NPEPPS: variants seen among roughly 807,000 people sequenced by gnomAD.
NPEPPS encodes the protein puromycin-sensitive aminopeptidase.
NPEPPS carries 14 observed loss-of-function variants against 115.5 expected under a neutral mutation model. The ratio of observed to expected loss-of-function variants is 0.12; its 90% confidence interval spans 0.08 to 0.19. The LOEUF (loss-of-function observed/expected upper bound fraction) is 0.19, where lower values mean the gene tolerates loss of function less well. Ranked by LOEUF, NPEPPS falls within the 10% of genes least tolerant of loss-of-function variation. NPEPPS has a pLI of 1.00. For missense variants in NPEPPS, 523 were observed against 1,110.8 expected, an observed-to-expected ratio of 0.47 and a Z score of 7.52; for synonymous variants, 285 against 390.6, an observed-to-expected ratio of 0.73 and a Z score of 3.19.
At chr17:47,605,668 A>T (rs958845796) in intron 17 of NPEPPS, 116 bp downstream of exon 17, 19 of 700,508 alleles carry the variant, frequency 2.7e-5, no homozygotes, top group Non-Finnish European at 4.1e-5. Context: ...ATATTCAGCA[A>T]GCCAGAAATT....
chr17:47,590,007 T>C (rs1031471559), intron 9 of NPEPPS, among the ~76,000 whole-genome samples: 1 of 152,188 alleles, frequency 6.6e-6, no homozygotes, highest in Non-Finnish European at 1.5e-5. Context: ...TTTTTTTCCC[T>C]CTTCTTCCTT....
intron 2 of NPEPPS, among the ~76,000 whole-genome samples, chr17:47,555,034 CTG>C (rs1335961295): frequency 1.3e-5 from 2 of 152,154 alleles, no homozygotes; most frequent in African/African-American, 2.4e-5. Context: ...GCAGTTGAAA[CTG>C]TGGAAAGTGA....
chr17:47,532,775 C>T (rs553742699), intron 1 of NPEPPS, among the ~76,000 whole-genome samples: 1 of 151,974 alleles, frequency 6.6e-6, no homozygotes, highest in Non-Finnish European at 1.5e-5. Context: ...TCCACTCCCT[C>T]CTCCCGCAGC....
intron 3 of NPEPPS, among the ~76,000 whole-genome samples, chr17:47,572,478 T>TAA (rs59690898): frequency 5.6e-4 from 83 of 147,820 alleles, no homozygotes; most frequent in Admixed American, 1.8e-3. Context: ...TAAAGAAAGT[T>TAA]AAAAAAAAAA....
At chr17:47,574,377 T>TA (rs1212777021) in intron 3 of NPEPPS, among the ~76,000 whole-genome samples, 1 of 151,962 alleles carries the variant, frequency 6.6e-6, no homozygotes, top group Non-Finnish European at 1.5e-5. Context: ...CATTAGGAAA[T>TA]ATGGTAACCA....
At position 47,590,876 on chromosome 17, in the gene NPEPPS, A is replaced by G. The variant is rs1374502129; in HGVS notation, c.1255A>G (p.Ile419Val). The stretch of plus-strand genomic sequence containing the variant: ...TGACGCCTTAGATAACAGCCATCCT[A>G]TTGAAGTGAGCCATACTTTCTAACC... ...ELDALDNSHP[I>V]EVSVGHPSEV... The change falls in exon 10 of 23, where the codon ATT becomes GTT. Residue 419 changes from isoleucine to valine, a missense_variant. Around this residue, in one of 4 missense-constraint regions of NPEPPS, gnomAD observed 144 missense variants for 512.4 expected, o/e 0.28. Transcript: ENST00000322157. 5.1e-6 allele frequency: 8 copies of G among 1,566,422 alleles called. No homozygotes were observed. The highest frequency in any genetic ancestry group is 2.4e-5 in the South Asian group (2 of 84,432).
intron 2 of NPEPPS, among the ~76,000 whole-genome samples, chr17:47,555,462 C>T (rs1182349043): frequency 1.3e-5 from 2 of 151,176 alleles, no homozygotes; most frequent in Admixed American, 6.6e-5. Flanking sequence ...ATTCTCCTGC[C>T]TCAGCCTCCT....
intron 12 of NPEPPS, among the ~76,000 whole-genome samples, chr17:47,595,257 G>T (rs1008869992): frequency 6.6e-6 from 1 of 151,804 alleles, no homozygotes; most frequent in East Asian, 2.0e-4. Context: ...GTAGAGATGG[G>T]GTGTCTCCAT....
chr17:47,559,904 C>T (rs1010604852), intron 2 of NPEPPS, among the ~76,000 whole-genome samples: 11 of 152,122 alleles, frequency 7.2e-5, no homozygotes, highest in African/African-American at 2.4e-4. Flanking sequence ...CCCACCCAGC[C>T]ACAAAGCCCC....
chr17:47,542,245 T>A (rs4060771), intron 1 of NPEPPS, among the ~76,000 whole-genome samples: 38 of 151,958 alleles, frequency 2.5e-4, no homozygotes, highest in Middle Eastern at 3.4e-3. Context: ...GTAGCTTTTT[T>A]AAAAAAAATT....
At chr17:47,587,828 TAAAC>T (rs1912282657) in intron 9 of NPEPPS, among the ~76,000 whole-genome samples, 2 of 151,720 alleles carry the variant, frequency 1.3e-5, no homozygotes, top group Non-Finnish European at 2.9e-5. Context: ...GAAATAAAAG[TAAAC>T]AAACTGCAGA....
rs1219457899 is a variant in NPEPPS at position 47,557,856 on chromosome 17, A to G, written c.341-11561A>G. ...GTAATGAACATATTCATCACCCTAGAACATTTCCTCATGCCCCTTTATAAT... is the reference window on the plus strand; with the variant it reads ...GTAATGAACATATTCATCACCCTAGGACATTTCCTCATGCCCCTTTATAAT... On this transcript the variant is annotated intron_variant, in intron 2 of 22. Transcript: ENST00000322157. Among the ~76,000 whole-genome samples, 3 of 148,984 alleles carry G rather than the reference A, an allele frequency of 2.0e-5. No individual in the cohort carries two copies. In the East Asian group the frequency reaches 6.0e-4, roughly 30 times the overall value.
At chr17:47,613,272 T>TA in intron 18 of NPEPPS, among the ~76,000 whole-genome samples, 1 of 142,938 alleles carries the variant, frequency 7.0e-6, no homozygotes, top group Admixed American at 7.0e-5. Context: ...TTTTTTTTTT[T>TA]TTTTTTTTTC....
chr17:47,601,484 A>G, intron 14 of NPEPPS, 124 bp from the exon 15 acceptor site: 1 of 959,520 alleles, frequency 1.0e-6, no homozygotes, highest in Non-Finnish European at 1.6e-6. Flanking sequence ...TTCATGTACC[A>G]CTAAGAATGA....
chr17:47,528,086 G>C (rs1907512255), upstream of NPEPPS, among the ~76,000 whole-genome samples: 1 of 151,660 alleles, frequency 6.6e-6, no homozygotes, highest in Admixed American at 6.6e-5. Flanking sequence ...CAGATCACCT[G>C]AGGTAAGGAG....
chr17:47,572,141 G>A (rs752512928), intron 3 of NPEPPS, among the ~76,000 whole-genome samples: 5 of 152,226 alleles, frequency 3.3e-5, no homozygotes, highest in Middle Eastern at 3.4e-3. Flanking sequence ...ATGGCCAGGC[G>A]TGGTGACTCA....
intron 17 of NPEPPS, among the ~76,000 whole-genome samples, chr17:47,610,343 C>T (rs952841337): frequency 6.6e-6 from 1 of 151,930 alleles, no homozygotes; most frequent in Non-Finnish European, 1.5e-5. Context: ...ATAGTATTTT[C>T]AAGATTCATC....
At chr17:47,590,289 C>T (rs570963033) in intron 9 of NPEPPS, among the ~76,000 whole-genome samples, 4 of 152,066 alleles carry the variant, frequency 2.6e-5, no homozygotes, top group Admixed American at 2.0e-4. Context: ...TTTGGGAGGC[C>T]GAGGCAGGTG....
chr17:47,605,697 G>C (rs1165221366), intron 17 of NPEPPS, 145 bp downstream of exon 17: 3 of 626,894 alleles, frequency 4.8e-6, no homozygotes, highest in Non-Finnish European at 8.4e-6. Context: ...AGTCTTTTAA[G>C]TCTGCTGGTG....
Sources: allele counts gnomAD v4.1 joint callset (sites outside exome capture counted in the v4.1 genomes callset), GRCh38; gene constraint gnomAD v4.1.1; regional missense constraint gnomAD v4.1.1; transcripts MANE v1.5; gene names NCBI Gene and HGNC (gene_info 2026-07-23, HGNC 2026-07-21).